The following CD6 variants were observed in gnomAD, a reference collection of about 807,000 sequenced individuals.
CD6 encodes CD6 molecule.
CD6 carries 53 observed loss-of-function variants against 75.3 expected under a neutral mutation model. The ratio of observed to expected loss-of-function variants is 0.70; its 90% CI spans 0.56 to 0.88. CD6 has a LOEUF of 0.88. Ranked by LOEUF, CD6 falls within the 40% of genes least tolerant of loss-of-function variation. The probability of loss-of-function intolerance (pLI) is 0.00; values close to 1 mark genes in which losing one functional copy is unlikely to be tolerated. For synonymous variants in CD6, 359 were observed against 381.5 expected, an observed-to-expected ratio of 0.94 and a Z score of 0.69; for missense variants, 770 against 897.1, an observed-to-expected ratio of 0.86 and a Z score of 1.81.
chr11:60,991,954 C>T (rs553065734), intron 1 of CD6, among the ~76,000 whole-genome samples: 16 of 152,166 alleles, frequency 1.1e-4, no homozygotes, highest in African/African-American at 3.9e-4. Flanking sequence ...ACCATCTTGG[C>T]TCACTGCAGC....
At chr11:60,999,301 G>A (rs922732450) in intron 1 of CD6, among the ~76,000 whole-genome samples, 7 of 151,226 alleles carry the variant, frequency 4.6e-5, no homozygotes, top group Non-Finnish European at 7.4e-5. Flanking sequence ...GCAAGGTCCT[G>A]GATATATGGG....
intron 2 of CD6, among the ~76,000 whole-genome samples, 163 bp downstream of exon 2, chr11:61,006,805 T>C (rs374467904): frequency 6.6e-6 from 1 of 152,152 alleles, no homozygotes; most frequent in South Asian, 2.1e-4. Flanking sequence ...TCAATTCACT[T>C]TGAGGTCGTA....
chr11:61,014,127 T>C, intron 8 of CD6, 113 bp downstream of exon 8: 6 of 703,938 alleles, frequency 8.5e-6, no homozygotes, highest in Non-Finnish European at 1.4e-5. Flanking sequence ...GGAGATGAGA[T>C]CTGGGCCAGC....
At chr11:60,974,608 G>A (rs755349280) in intron 1 of CD6, among the ~76,000 whole-genome samples, 5 of 152,208 alleles carry the variant, frequency 3.3e-5, no homozygotes, top group South Asian at 2.1e-4. Flanking sequence ...CAGGTGGCCC[G>A]GGTGCTGGGC....
At chr11:61,008,025 C>T in intron 3 of CD6, 115 bp downstream of exon 3, 1 of 628,886 alleles carries the variant, frequency 1.6e-6, no homozygotes, top group Admixed American at 4.2e-5. Context: ...TCCACCCCCA[C>T]CGCCTACCAG....
At position 61,015,708 on chromosome 11, in the gene CD6, C is replaced by T; in HGVS notation, c.1388-5C>T. 1 of 1,614,184 alleles carries T rather than the reference C, an allele frequency of 6.2e-7. No individual in the cohort carries two copies. Among genetic ancestry groups the T allele is most frequent in the Non-Finnish European group, 8.5e-7 (1 of 1,180,014 alleles). On this transcript the variant is annotated splice_polypyrimidine_tract_variant and splice_region_variant and intron_variant, in intron 8 of 12. Coordinates refer to ENST00000313421, the MANE Select transcript of CD6 (RefSeq NM_006725.5). ...GCCATGCCCTCGACTCTGTTCTCTC[C>T]CCAGTTTTCATGCTGCCCATCCAGG...
intron 1 of CD6, among the ~76,000 whole-genome samples, chr11:60,991,568 G>A (rs1037919531): frequency 1.3e-5 from 2 of 151,934 alleles, no homozygotes; most frequent in East Asian, 1.9e-4. Context: ...CATCTTTCAC[G>A]TATTTGCAGG....
At chr11:60,997,672 G>A (rs1858370624) in intron 1 of CD6, among the ~76,000 whole-genome samples, 1 of 152,018 alleles carries the variant, frequency 6.6e-6, no homozygotes, top group Admixed American at 6.6e-5. Flanking sequence ...TCTGTATTTA[G>A]ATTTCATACT....
chr11:60,991,655 TAGCCCTGTG>T (rs2135076015), intron 1 of CD6, among the ~76,000 whole-genome samples: 1 of 152,104 alleles, frequency 6.6e-6, no homozygotes, highest in Non-Finnish European at 1.5e-5. Flanking sequence ...AATCTTTCCT[TAGCCCTGTG>T]AGGTTTTTGT....
intron 1 of CD6, among the ~76,000 whole-genome samples, chr11:60,992,342 T>TTTA (rs1554992620): frequency 6.6e-6 from 1 of 151,452 alleles, no homozygotes; most frequent in Admixed American, 6.6e-5. Context: ...CTTTTTTTTT[T>TTTA]TATATATAAC....
chr11:61,008,871 C>G (rs767757073), intron 4 of CD6, 26 bp downstream of exon 4: 4 of 1,500,174 alleles, frequency 2.7e-6, no homozygotes, highest in African/African-American at 2.8e-5. Flanking sequence ...CACTGAAGCC[C>G]GGTCACTACC....
chr11:60,979,088 G>A (rs964902631), intron 1 of CD6, among the ~76,000 whole-genome samples: 1 of 152,238 alleles, frequency 6.6e-6, no homozygotes, highest in South Asian at 2.1e-4. Context: ...GTCAGGACCT[G>A]AGCTTGGGTC....
At chr11:60,974,375 T>G (rs964517437) in intron 1 of CD6, among the ~76,000 whole-genome samples, 1 of 152,168 alleles carries the variant, frequency 6.6e-6, no homozygotes, top group African/African-American at 2.4e-5. Context: ...CAGGCTTGAG[T>G]AGCTGGGATG....
intron 1 of CD6, among the ~76,000 whole-genome samples, chr11:60,992,156 A>G (rs1481840450): frequency 2.0e-5 from 3 of 151,968 alleles, no homozygotes; most frequent in Non-Finnish European, 4.4e-5. Context: ...CTGGGATTAC[A>G]GCGTGAGCCA....
At chr11:60,991,989 C>G (rs555532871) in intron 1 of CD6, among the ~76,000 whole-genome samples, 83 of 152,004 alleles carry the variant, frequency 5.5e-4, no homozygotes, top group African/African-American at 1.7e-3. Context: ...CCCAAGTGAT[C>G]CAACCTCAGC....
chr11:61,018,665 C>A, intron 12 of CD6: 2 of 452,660 alleles, frequency 4.4e-6, no homozygotes, highest in African/African-American at 2.3e-5. Context: ...AAACTAAAAA[C>A]TAAATATTAG....
chr11:60,985,555 T>A (rs1004956863), intron 1 of CD6, among the ~76,000 whole-genome samples: 9 of 146,266 alleles, frequency 6.2e-5, no homozygotes, highest in Non-Finnish European at 1.2e-4. Flanking sequence ...CTCAAACCAA[T>A]ACTACTTAAG....
At chr11:61,016,239 C>T (rs1167305821) in intron 9 of CD6, among the ~76,000 whole-genome samples, 3 of 152,184 alleles carry the variant, frequency 2.0e-5, no homozygotes, top group African/African-American at 7.2e-5. Flanking sequence ...CCCCATCAGC[C>T]CCACTCACTT....
Position 60,971,838 on chromosome 11 carries a change from C to T in CD6, c.-28C>T, listed in dbSNP as rs768238568. 6.8e-6 allele frequency: 11 copies of T among 1,611,844 alleles called. No individual in the cohort carries two copies. The highest frequency in any genetic ancestry group is 5.3e-5 in the African/African-American group (4 of 74,860). On this transcript the variant is annotated 5_prime_UTR_variant, in exon 1 of 13. In the 5' UTR this introduces an upstream ATG that the reference lacks. Transcript: ENST00000313421. ...AGATGGTGCTTCCCACAGGCAGCCA[C>T]GCGTAGCAGCCAGAGACAGCTCCAG...
Sources: gnomAD v4.1 joint callset for allele counts (sites outside exome capture counted in the v4.1 genomes callset) on GRCh38, gnomAD v4.1.1 for gene constraint, MANE v1.5 for transcripts, NCBI Gene and HGNC (gene_info 2026-07-23, HGNC 2026-07-21) for gene names.